The following ZFTRAF1 variants were observed in gnomAD, a reference collection of about 807,000 sequenced individuals.
ZFTRAF1 encodes zinc finger TRAF-type and ring finger containing 1, also known as zinc finger TRAF-type-containing protein 1.
At chr8:144,462,592 C>T in the ZFTRAF1 span, 3 of 141,620 alleles carry the variant, frequency 2.1e-5, no homozygotes, top group African/African-American at 7.6e-5. Flanking sequence ...CGACCCCGGC[C>T]GGCACGGAGC....
At chr8:144,453,088 G>A in the ZFTRAF1 span, 1 of 782,332 alleles carries the variant, frequency 1.3e-6, no homozygotes. Flanking sequence ...CCGTCACTGG[G>A]CTACACAGGT....
chr8:144,450,718 A>G, the ZFTRAF1 span: 8 of 715,978 alleles, frequency 1.1e-5, no homozygotes, highest in East Asian at 1.9e-4. Flanking sequence ...TGGGCGTCTC[A>G]TAGTACAGGC....
At chr8:144,451,771 G>A in the ZFTRAF1 span, 5 of 168,542 alleles carry the variant, frequency 3.0e-5, no homozygotes, top group African/African-American at 1.2e-4. Flanking sequence ...AGAGCCACGA[G>A]ATCCAGTGTG....
At chr8:144,450,315 G>A in the ZFTRAF1 span, 5 of 675,734 alleles carry the variant, frequency 7.4e-6, no homozygotes, top group South Asian at 7.9e-5. Flanking sequence ...CTGCCAGCCA[G>A]GTGGACAGGG....
chr8:144,461,775 G>T, the ZFTRAF1 span, among the ~76,000 whole-genome samples: 2 of 152,206 alleles, frequency 1.3e-5, no homozygotes, highest in Non-Finnish European at 2.9e-5. Flanking sequence ...CACCCAGGAG[G>T]GTAGAAAAGG....
chr8:144,452,709 G>A, the ZFTRAF1 span: 18 of 771,700 alleles, frequency 2.3e-5, no homozygotes, highest in Non-Finnish European at 3.7e-5. Context: ...CCCCCAGGAT[G>A]AGGTCAGAGT....
the ZFTRAF1 span, among the ~76,000 whole-genome samples, chr8:144,459,300 C>T: frequency 2.0e-5 from 3 of 152,354 alleles, 1 homozygote; most frequent in South Asian, 6.2e-4. Flanking sequence ...GGTGTAACTG[C>T]TGCCCCACCA....
chr8:144,453,678 G>A, the ZFTRAF1 span: 5 of 559,544 alleles, frequency 8.9e-6, no homozygotes, highest in Non-Finnish European at 1.6e-5. Context: ...AGAGATTAGA[G>A]GTCCTAAAAG....
At chr8:144,453,280 G>A in the ZFTRAF1 span, 2 of 1,551,082 alleles carry the variant, frequency 1.3e-6, no homozygotes, top group Non-Finnish European at 1.7e-6. Context: ...AACTGGCGCA[G>A]GCAGAAGCCA....
chr8:144,450,261 G>C, the ZFTRAF1 span: 1 of 622,842 alleles, frequency 1.6e-6, no homozygotes, highest in Admixed American at 2.5e-5. Flanking sequence ...GGCTTCGTTT[G>C]TTCTCCTCCT....
At chr8:144,452,765 A>G in the ZFTRAF1 span, among the ~76,000 whole-genome samples, 460 of 152,286 alleles carry the variant, frequency 3.0e-3, 1 homozygote, top group Non-Finnish European at 4.7e-3. Flanking sequence ...AGGGAGAGAG[A>G]GGGGAAGGAA....
At chr8:144,462,268 G>A in the ZFTRAF1 span, 1 of 561,654 alleles carries the variant, frequency 1.8e-6, no homozygotes, top group Admixed American at 3.4e-5. Flanking sequence ...GGTCGGGGTC[G>A]GCCGGCGGCC....
chr8:144,453,621 C>T, the ZFTRAF1 span: 8 of 637,240 alleles, frequency 1.3e-5, no homozygotes. Flanking sequence ...GTGGTGAACA[C>T]TGCGAGCTGC....
At chr8:144,455,067 C>G in the ZFTRAF1 span, 1 of 152,244 alleles carries the variant, frequency 6.6e-6, no homozygotes, top group African/African-American at 2.4e-5. Context: ...GTAATCCCAG[C>G]ACTTTGGAAG....
At chr8:144,462,337 G>A in the ZFTRAF1 span, 12 of 516,170 alleles carry the variant, frequency 2.3e-5, no homozygotes, top group Non-Finnish European at 3.5e-5. Context: ...ACAGCACCGA[G>A]TAGAGCCGCT....
chr8:144,450,143 G>T, the ZFTRAF1 span: 198 of 516,766 alleles, frequency 3.8e-4, no homozygotes, highest in Non-Finnish European at 3.7e-4. Context: ...TCTCCTCTTC[G>T]GGTCAGCCCA....
At chr8:144,458,337 C>T in the ZFTRAF1 span, among the ~76,000 whole-genome samples, 1 of 152,226 alleles carries the variant, frequency 6.6e-6, no homozygotes, top group African/African-American at 2.4e-5. Flanking sequence ...AACAAAAATT[C>T]CAACTAGCCA....
the ZFTRAF1 span, chr8:144,452,384 G>A: frequency 6.5e-6 from 10 of 1,549,824 alleles, no homozygotes; most frequent in South Asian, 3.6e-5. Flanking sequence ...TCTCGAAGCT[G>A]AGCAGGCTGA....
At chr8:144,452,720 G>A in the ZFTRAF1 span, 26 of 706,356 alleles carry the variant, frequency 3.7e-5, 1 homozygote, top group East Asian at 1.4e-4. Flanking sequence ...AGGTCAGAGT[G>A]GCAGCATGTG....
Sources: gnomAD v4.1 joint callset for allele counts (sites outside exome capture counted in the v4.1 genomes callset) on GRCh38, gnomAD v4.1.1 for gene constraint, MANE v1.5 for transcripts, NCBI Gene and HGNC (gene_info 2026-07-23, HGNC 2026-07-21) for gene names.